Variants in EYS observed in about 807,000 individuals in gnomAD.
EYS encodes protein eyes shut homolog.
Under a neutral mutation model 282.1 loss-of-function variants are expected in EYS, and 250 were observed. The ratio of observed to expected loss-of-function variants is 0.89; its 90% confidence interval spans 0.80 to 0.98. The LOEUF is 0.98. Among genes scored for constraint, EYS ranks in the 50% least tolerant of loss-of-function variants. The pLI, the probability that EYS is intolerant of heterozygous loss-of-function variation, is 0.00. For missense variants in EYS, 4,016 were observed against 3,709.0 expected, an observed-to-expected ratio of 1.08 and a Z score of -2.15; for synonymous variants, 1,355 against 1,282.9, an observed-to-expected ratio of 1.06 and a Z score of -1.20.
chr6:65,124,821 C>T (rs1234273732), intron 12 of EYS, among the ~76,000 whole-genome samples: 2 of 152,172 alleles, frequency 1.3e-5, no homozygotes, highest in Admixed American at 1.3e-4. Context: ...CAGATGCTGT[C>T]CCCCATTACA....
intron 26 of EYS, among the ~76,000 whole-genome samples, chr6:64,580,989 G>A (rs1027567364): frequency 2.0e-5 from 3 of 152,104 alleles, no homozygotes; most frequent in Non-Finnish European, 2.9e-5. Flanking sequence ...AAGATTTTTG[G>A]TATTGGGAAG....
intron 26 of EYS, among the ~76,000 whole-genome samples, chr6:64,543,017 G>C (rs1368666171): frequency 1.3e-5 from 2 of 152,108 alleles, no homozygotes; most frequent in South Asian, 4.1e-4. Context: ...AGGAAATGCT[G>C]TTACAGCTTT....
intron 8 of EYS, among the ~76,000 whole-genome samples, chr6:65,363,520 A>T (rs898898340): frequency 2.0e-5 from 3 of 151,860 alleles, no homozygotes; most frequent in African/African-American, 7.2e-5. Flanking sequence ...AAATGTTATG[A>T]TTGATGTTGT....
chr6:65,696,755 A>C (rs1052890225), intron 1 of EYS, among the ~76,000 whole-genome samples: 5 of 152,060 alleles, frequency 3.3e-5, no homozygotes, highest in Non-Finnish European at 5.9e-5. Flanking sequence ...AAGATCACTT[A>C]AGCCATTGTA....
At chr6:65,592,740 ACAT>A (rs1765273100) in intron 2 of EYS, among the ~76,000 whole-genome samples, 1 of 152,030 alleles carries the variant, frequency 6.6e-6, no homozygotes, top group African/African-American at 2.4e-5. Flanking sequence ...ATTAAACTAC[ACAT>A]ATCCTTAAAA....
intron 26 of EYS, among the ~76,000 whole-genome samples, chr6:64,456,022 G>T (rs896846379): frequency 7.2e-5 from 11 of 151,944 alleles, no homozygotes; most frequent in Non-Finnish European, 1.6e-4. Context: ...TTATATTTAG[G>T]ATATTTGCAT....
Position 64,993,613 on chromosome 6 carries a change from T to C in EYS, c.2259+3969A>G, listed in dbSNP as rs1420800276. Among the ~76,000 whole-genome samples the C allele has an allele frequency of 6.1e-5, 9 of 146,846 alleles. No homozygotes were observed. In the South Asian group the frequency reaches 1.6e-3, roughly 26 times the overall value. On this transcript the variant is annotated intron_variant, in intron 14 of 42. Coordinates refer to ENST00000503581, the MANE Select transcript of EYS (RefSeq NM_001142800.2). ...AGGGGGGAGGGATAGCATTAGGAGA[T>C]ATACCTAATGTTAAATGACGAGTTA...
chr6:65,383,341 T>C (rs1765686321), intron 8 of EYS, among the ~76,000 whole-genome samples: 1 of 151,932 alleles, frequency 6.6e-6, no homozygotes, highest in Non-Finnish European at 1.5e-5. Context: ...TTCACTTTTA[T>C]AGTATTAATT....
intron 2 of EYS, among the ~76,000 whole-genome samples, chr6:65,618,351 C>G (rs1252122484): frequency 1.3e-5 from 2 of 152,256 alleles, no homozygotes; most frequent in African/African-American, 2.4e-5. Flanking sequence ...TGAATGTCTT[C>G]TTTTGAGAAG....
chr6:64,933,912 C>A (rs570080999), intron 15 of EYS, among the ~76,000 whole-genome samples: 2 of 151,978 alleles, frequency 1.3e-5, no homozygotes, highest in Non-Finnish European at 2.9e-5. Context: ...TGTTCTCACT[C>A]GTAAGTGGGA....
At chr6:65,354,786 C>T (rs573333932) in intron 8 of EYS, among the ~76,000 whole-genome samples, 1 of 151,854 alleles carries the variant, frequency 6.6e-6, no homozygotes, top group African/African-American at 2.4e-5. Context: ...CACACCACTG[C>T]ACTCCAGCCT....
At chr6:64,692,610 T>C (rs1262756793) in intron 22 of EYS, among the ~76,000 whole-genome samples, 2 of 152,156 alleles carry the variant, frequency 1.3e-5, no homozygotes, top group African/African-American at 2.4e-5. Context: ...AGGTCTTACA[T>C]TGAAATAATT....
intron 26 of EYS, among the ~76,000 whole-genome samples, chr6:64,581,032 G>A (rs1162507342): frequency 6.6e-6 from 1 of 152,086 alleles, no homozygotes. Flanking sequence ...AAAGTATTGA[G>A]AGACTTACAG....
At chr6:64,261,787 G>T (rs1380894182) in intron 30 of EYS, among the ~76,000 whole-genome samples, 3 of 144,742 alleles carry the variant, frequency 2.1e-5, no homozygotes, top group South Asian at 2.1e-4. Context: ...AGGTTATTTT[G>T]TTTTTTTTTT....
intron 36 of EYS, among the ~76,000 whole-genome samples, chr6:63,846,556 T>G (rs1181524291): frequency 3.3e-5 from 5 of 152,248 alleles, no homozygotes; most frequent in Non-Finnish European, 7.3e-5. Context: ...ACTGAATCAC[T>G]AGGTGCAATA....
chr6:65,122,780 T>C (rs988182582), intron 12 of EYS, among the ~76,000 whole-genome samples: 1 of 152,130 alleles, frequency 6.6e-6, no homozygotes, highest in Non-Finnish European at 1.5e-5. Flanking sequence ...GAGTAAATCA[T>C]CTAAAATCTT....
chr6:65,133,470 G>A (rs561392409), intron 12 of EYS, among the ~76,000 whole-genome samples: 1 of 151,834 alleles, frequency 6.6e-6, no homozygotes, highest in Non-Finnish European at 1.5e-5. Flanking sequence ...TCAGAAATAA[G>A]GCTGAACACC....
Position 64,230,638 on chromosome 6 carries a change from G to A in EYS, c.6378C>T (p.Phe2126=). ...AIFLSSGIVS[F]QCDCPLHFTG... ...TGAAATGTAGTGGACAGTCACATTG[G>A]AATGACACTATGCCACTGGAGAGGA... Residue 2126 remains phenylalanine (F), a synonymous_variant, in exon 31 of 43, where the codon TTC becomes TTT. Transcript: ENST00000503581. The A allele has an allele frequency of 6.4e-7, 1 of 1,551,506 alleles. No individual in the cohort carries two copies. The highest frequency in any genetic ancestry group is 8.7e-7 in the Non-Finnish European group (1 of 1,146,836).
intron 35 of EYS, among the ~76,000 whole-genome samples, chr6:63,930,687 A>T (rs1426833750): frequency 2.0e-5 from 3 of 152,194 alleles, no homozygotes; most frequent in African/African-American, 7.2e-5. Context: ...ATCATGGGTT[A>T]TTTCCAAATT....
Sources: gnomAD v4.1 joint callset for allele counts (sites outside exome capture counted in the v4.1 genomes callset) on GRCh38, gnomAD v4.1.1 for gene constraint, MANE v1.5 for transcripts, NCBI Gene and HGNC (gene_info 2026-07-23, HGNC 2026-07-21) for gene names.